TRHDE: variants seen among roughly 807,000 people sequenced by gnomAD.
TRHDE encodes thyrotropin releasing hormone degrading enzyme, also known as thyrotropin-releasing hormone-degrading ectoenzyme.
In TRHDE, 72 loss-of-function variants were observed where a neutral mutation model predicts 125.7. That is an observed-to-expected ratio of 0.57 (90% CI 0.47 to 0.70). The LOEUF is 0.70. Among genes scored for constraint, TRHDE ranks in the 30% least tolerant of loss-of-function variants. The pLI is 0.00. For missense variants in TRHDE, 1,110 were observed against 1,327.1 expected (o/e 0.84, Z 2.54); for synonymous variants, 509 against 509.1 (o/e 1.00, Z 0.00).
At chr12:72,659,278 A>G (rs887659722) in intron 18 of TRHDE, among the ~76,000 whole-genome samples, 5 of 152,162 alleles carry the variant, frequency 3.3e-5, no homozygotes, top group African/African-American at 1.2e-4. Flanking sequence ...AATTTGAACA[A>G]TATTTCTTCA....
intron 2 of TRHDE, among the ~76,000 whole-genome samples, chr12:72,120,955 G>T (rs1450860872): frequency 6.6e-6 from 1 of 151,874 alleles, no homozygotes; most frequent in South Asian, 2.1e-4. Context: ...TGGGATTAAA[G>T]GTGTGAGCCA....
chr12:72,321,613 T>C (rs1311982491), intron 2 of TRHDE, among the ~76,000 whole-genome samples: 1 of 152,156 alleles, frequency 6.6e-6, no homozygotes, highest in Non-Finnish European at 1.5e-5. Context: ...ACCAAGCATT[T>C]CAAAGCCTTT....
chr12:72,153,994 G>C (rs1299833484), intron 2 of TRHDE, among the ~76,000 whole-genome samples: 1 of 152,046 alleles, frequency 6.6e-6, no homozygotes, highest in Non-Finnish European at 1.5e-5. Context: ...TTGACAGTGG[G>C]GTGTTAAAGT....
At chr12:72,234,788 T>C (rs917074065) in intron 2 of TRHDE, among the ~76,000 whole-genome samples, 2 of 152,170 alleles carry the variant, frequency 1.3e-5, no homozygotes, top group African/African-American at 4.8e-5. Context: ...TGAATTTAGG[T>C]AAACAACACT....
chr12:72,126,212 T>C lies in TRHDE; in HGVS notation n.279+20460T>C, dbSNP rs143907095. On this transcript the variant is annotated intron_variant and non_coding_transcript_variant, in intron 2 of 4. Transcript: ENST00000548156. ...AAACACTGCTGAAAGAAATCATAAA[T>C]GACGCAAACGGAAACACATTCCATG... Among the ~76,000 whole-genome samples the C allele has an allele frequency of 4.5e-3, 688 of 152,194 alleles. 4 individuals carry two copies. The highest frequency in any genetic ancestry group is 0.015 in the African/African-American group (631 of 41,512).
intron 3 of TRHDE, among the ~76,000 whole-genome samples, chr12:72,409,536 C>A (rs181026122): frequency 3.3e-5 from 5 of 152,194 alleles, no homozygotes; most frequent in African/African-American, 1.2e-4. Flanking sequence ...ACTGTTGAAA[C>A]TGGTTTCCCA....
intron 3 of TRHDE, among the ~76,000 whole-genome samples, chr12:72,450,864 T>C (rs1179437523): frequency 6.6e-6 from 1 of 152,144 alleles, no homozygotes; most frequent in Non-Finnish European, 1.5e-5. Context: ...TGATAACTCA[T>C]TGTGGTTCTC....
chr12:72,518,687 T>C (rs531348825), intron 6 of TRHDE, among the ~76,000 whole-genome samples: 1 of 152,166 alleles, frequency 6.6e-6, no homozygotes, highest in South Asian at 2.1e-4. Flanking sequence ...ATCCTGTCAT[T>C]ATGATGTTAG....
chr12:72,538,866 G>A (rs1471276508), intron 6 of TRHDE, among the ~76,000 whole-genome samples: 5 of 151,652 alleles, frequency 3.3e-5, no homozygotes, highest in African/African-American at 4.8e-5. Context: ...GTTAAGTCCC[G>A]ACTTTTTTGA....
At chr12:72,587,746 G>A (rs1215623123) in intron 12 of TRHDE, among the ~76,000 whole-genome samples, 1 of 151,904 alleles carries the variant, frequency 6.6e-6, no homozygotes, top group African/African-American at 2.4e-5. Flanking sequence ...ATACTAAATA[G>A]CTATCACATG....
At chr12:72,425,610 AAAC>A (rs2135833079) in intron 3 of TRHDE, among the ~76,000 whole-genome samples, 1 of 152,220 alleles carries the variant, frequency 6.6e-6, no homozygotes, top group South Asian at 2.1e-4. Context: ...TAAGTGGAAA[AAAC>A]AACATTTTTC....
At chr12:72,303,806 A>G (rs1182508315) in intron 2 of TRHDE, among the ~76,000 whole-genome samples, 2 of 152,176 alleles carry the variant, frequency 1.3e-5, no homozygotes, top group Non-Finnish European at 2.9e-5. Context: ...TATAATCTTT[A>G]TGTCACATGG....
intron 2 of TRHDE, among the ~76,000 whole-genome samples, chr12:72,362,619 T>A (rs1592389479): frequency 6.6e-6 from 1 of 150,716 alleles, no homozygotes; most frequent in Non-Finnish European, 1.5e-5. Flanking sequence ...TTTGGTGTTT[T>A]AGACATGAAG....
rs529581133 is a variant in TRHDE at position 72,168,681 on chromosome 12, A to G, written n.279+62929A>G. ...TTTTCTGCAATTGAACTTGTCCAAC[A>G]TCTCTTCCCTCCAACTGGAGATATT... On this transcript the variant is annotated intron_variant and non_coding_transcript_variant, in intron 2 of 4. Transcript: ENST00000548156. Among the ~76,000 whole-genome samples the G allele has an allele frequency of 1.2e-4, 19 of 152,256 alleles. No homozygotes were observed. In the South Asian group the frequency reaches 3.9e-3, roughly 32 times the overall value.
At chr12:72,435,512 T>C (rs1448888570) in intron 3 of TRHDE, among the ~76,000 whole-genome samples, 1 of 152,066 alleles carries the variant, frequency 6.6e-6, no homozygotes, top group Non-Finnish European at 1.5e-5. Flanking sequence ...TTGATTCGAA[T>C]ATGAAAAAAA....
At chr12:72,494,646 C>A (rs541951446) in intron 5 of TRHDE, among the ~76,000 whole-genome samples, 1 of 152,136 alleles carries the variant, frequency 6.6e-6, no homozygotes, top group South Asian at 2.1e-4. Flanking sequence ...CAGGCATATT[C>A]TCTTTTAACT....
At chr12:72,278,811 T>C (rs974980652) in intron 1 of TRHDE, among the ~76,000 whole-genome samples, 2 of 152,208 alleles carry the variant, frequency 1.3e-5, no homozygotes, top group Non-Finnish European at 2.9e-5. Context: ...TGCTATTGAG[T>C]TGTTTGATTT....
chr12:72,109,131 G>C (rs1373841415), intron 2 of TRHDE, among the ~76,000 whole-genome samples: 1 of 151,986 alleles, frequency 6.6e-6, no homozygotes, highest in African/African-American at 2.4e-5. Context: ...CTATGTGCTA[G>C]GCAATTTGTC....
Position 72,434,178 on chromosome 12 carries a change from A to G in TRHDE, c.1316-35580A>G, listed in dbSNP as rs139024425. On this transcript the variant is annotated intron_variant, in intron 3 of 18. Transcript: ENST00000261180. ...GGTGGGTAGATCACTTAAAGTCAGG[A>G]GTTCAAGAGCAGCCTGGCCAACATA... Among the ~76,000 whole-genome samples, 1,219 of 152,164 alleles carry G rather than the reference A, an allele frequency of 8.0e-3. 7 individuals carry two copies. The highest frequency in any genetic ancestry group is 0.02 in the Middle Eastern group (6 of 294).
Sources: gnomAD v4.1 joint callset for allele counts (sites outside exome capture counted in the v4.1 genomes callset) on GRCh38, gnomAD v4.1.1 for gene constraint, MANE v1.5 for transcripts, NCBI Gene and HGNC (gene_info 2026-07-23, HGNC 2026-07-21) for gene names.